The following AEBP2 variants were observed in gnomAD, a reference collection of about 807,000 sequenced individuals.
AEBP2 encodes AE binding protein 2.
A neutral mutation model predicts 50.8 loss-of-function variants in AEBP2; 10 were observed. The ratio of observed to expected loss-of-function variants is 0.20; its 90% CI spans 0.12 to 0.33. AEBP2 has a LOEUF of 0.33. AEBP2 is among the 10% of genes least tolerant of loss of function. The probability of loss-of-function intolerance (pLI) is 1.00; values close to 1 mark genes in which losing one functional copy is unlikely to be tolerated. For synonymous variants in AEBP2, 296 were observed against 261.3 expected, an observed-to-expected ratio of 1.13 and a Z score of -1.28; for missense variants, 570 against 688.0, an observed-to-expected ratio of 0.83 and a Z score of 1.92.
intron 3 of AEBP2, among the ~76,000 whole-genome samples, chr12:19,486,574 G>A (rs1948813404): frequency 6.6e-6 from 1 of 151,872 alleles, no homozygotes; most frequent in South Asian, 2.1e-4. Context: ...GTAGAGAGAG[G>A]GTTTTGCCAC....
intron 1 of AEBP2, among the ~76,000 whole-genome samples, chr12:19,409,594 G>T (rs902157058): frequency 2.0e-5 from 3 of 152,194 alleles, no homozygotes; most frequent in South Asian, 4.1e-4. Context: ...CACCAGCCGT[G>T]GGGGGAAATG....
intron 1 of AEBP2, chr12:19,456,467 A>G (rs1592731131): frequency 2.0e-6 from 3 of 1,466,544 alleles, no homozygotes; most frequent in South Asian, 1.1e-5. Flanking sequence ...AGTTAGGGCC[A>G]TCTTCCAGCT....
At chr12:19,409,630 C>G (rs2095738237) in intron 1 of AEBP2, among the ~76,000 whole-genome samples, 1 of 152,148 alleles carries the variant, frequency 6.6e-6, no homozygotes, top group South Asian at 2.1e-4. Flanking sequence ...TCTTACTTCA[C>G]ATACATTTTT....
chr12:19,515,659 C>T (rs1399806856), intron 7 of AEBP2, among the ~76,000 whole-genome samples: 1 of 152,066 alleles, frequency 6.6e-6, no homozygotes, highest in Non-Finnish European at 1.5e-5. Context: ...TAATTAAGTG[C>T]TTTGAAGGGT....
Position 19,439,656 on chromosome 12 carries a change from G to A in AEBP2, c.-44G>A, listed in dbSNP as rs578004158. On this transcript the variant is annotated 5_prime_UTR_variant, in exon 1 of 8. Transcript: ENST00000266508. Reference sequence around the variant, plus strand: ...GAGGGAGAGAGAGTCGAGAGAGGGAGGCGGCGGTGGGGAGGAGGAGGAGGA... The same window carrying A: ...GAGGGAGAGAGAGTCGAGAGAGGGAAGCGGCGGTGGGGAGGAGGAGGAGGA... 261 of 1,473,912 alleles carry A rather than the reference G, an allele frequency of 1.8e-4. No homozygotes were observed. The African/African-American group carries it at 4.0e-3, about 22-fold the overall frequency. 91.3% of individuals were successfully genotyped at this position (1,473,912 alleles called of 1,614,324 possible). A position where few individuals can be genotyped will look rare whatever the true frequency, so the allele number is the denominator to read the frequency against.
intron 1 of AEBP2, among the ~76,000 whole-genome samples, chr12:19,452,529 TC>T (rs1318149736): frequency 6.6e-6 from 1 of 152,148 alleles, no homozygotes; most frequent in African/African-American, 2.4e-5. Context: ...TTAATGGTTT[TC>T]TTGAAGTACC....
rs1947917110 is a variant in AEBP2 at position 19,439,962 on chromosome 12, A to G, written c.263A>G (p.Glu88Gly). Reference protein sequence around the residue: ...EAETMSEPSPESASQAGEDED... With the variant: ...EAETMSEPSPGSASQAGEDED... The stretch of plus-strand genomic sequence containing the variant: ...GAGACGATGTCGGAGCCGAGCCCCG[A>G]GAGCGCCAGCCAGGCCGGGGAGGAC... The change falls in exon 1 of 8, where the codon GAG becomes GGG. Residue 88 changes from glutamate (E) to glycine (G), a missense_variant. Around this residue, in one of 2 missense-constraint regions of AEBP2, gnomAD observed 386 missense variants for 336.8 expected, o/e 1.15. Transcript: ENST00000266508. The G allele has an allele frequency of 3.9e-6, 6 of 1,519,702 alleles. No homozygotes were observed. The South Asian group carries it at 4.8e-5, about 12-fold the overall frequency. The allele number at this position is 1,519,702 out of a possible 1,614,324, so 94.1% of individuals were successfully genotyped here.
chr12:19,450,567 T>C (rs114235576), intron 1 of AEBP2, among the ~76,000 whole-genome samples: 119 of 142,300 alleles, frequency 8.4e-4, no homozygotes, highest in African/African-American at 2.8e-3. Flanking sequence ...CGGTGACTCA[T>C]GCCTGTAATC....
intron 1 of AEBP2, among the ~76,000 whole-genome samples, chr12:19,459,420 A>G (rs1393518415): frequency 6.6e-6 from 1 of 151,914 alleles, no homozygotes; most frequent in African/African-American, 2.4e-5. Context: ...TTTAATAGAG[A>G]CAGGGTTTCA....
intron 7 of AEBP2, among the ~76,000 whole-genome samples, chr12:19,517,298 C>G (rs889595440): frequency 1.3e-5 from 2 of 152,040 alleles, no homozygotes; most frequent in East Asian, 3.9e-4. Context: ...TATGGCAAAC[C>G]TTCTGCAAAA....
At chr12:19,494,043 A>G in intron 4 of AEBP2, 57 bp downstream of exon 4, 3 of 1,488,228 alleles carry the variant, frequency 2.0e-6, no homozygotes, top group Non-Finnish European at 2.7e-6. Flanking sequence ...GATATCTTAG[A>G]CTTTTATGCA....
chr12:19,468,126 TTG>T lies in AEBP2; in HGVS notation c.880-5092_880-5091del, dbSNP rs10643072. Among the ~76,000 whole-genome samples the T allele has an allele frequency of 1.4e-3, 207 of 144,012 alleles. 1 individual carries two copies. Among genetic ancestry groups the T allele is most frequent in the Middle Eastern group, 3.5e-3 (1 of 284 alleles). The allele number at this position is 144,012 out of a possible 152,430, so 94.5% of individuals were successfully genotyped here. A position where few individuals can be genotyped will look rare whatever the true frequency, so the allele number is the denominator to read the frequency against. On this transcript the variant is annotated intron_variant, in intron 2 of 7. Coordinates refer to ENST00000266508, the MANE Select transcript of AEBP2 (RefSeq NM_153207.5). ...ATCCATCCAACCCCTCTGCCTGACT[TTG>T]TGTGTGTGTGTGTGTGTGTGTGTGT... is the stretch of plus-strand genomic sequence containing the variant.
chr12:19,505,376 A>C (rs1250540862), intron 5 of AEBP2, among the ~76,000 whole-genome samples: 1 of 152,268 alleles, frequency 6.6e-6, no homozygotes, highest in Admixed American at 6.5e-5. Flanking sequence ...ACTGTGAGCC[A>C]GGTACTAATG....
chr12:19,501,793 G>GTTTT (rs1204632203), intron 5 of AEBP2, among the ~76,000 whole-genome samples: 3 of 35,170 alleles, frequency 8.5e-5, no homozygotes, highest in South Asian at 1.1e-3. Context: ...ATAAAAATGA[G>GTTTT]TTTGTTTTTT....
chr12:19,439,699 C>A lies in AEBP2; in HGVS notation c.-1C>A. Reference sequence around the variant, plus strand: ...GAGGAGGAGGAGGAGCAGGCGCCGCCATGGCCGCCGCTATCACCGACATGG... The same window carrying A: ...GAGGAGGAGGAGGAGCAGGCGCCGCAATGGCCGCCGCTATCACCGACATGG... On this transcript the variant is annotated 5_prime_UTR_variant, in exon 1 of 8. Coordinates refer to ENST00000266508, the MANE Select transcript of AEBP2 (RefSeq NM_153207.5). The A allele has an allele frequency of 6.6e-7, 1 of 1,513,696 alleles. No individual in the cohort carries two copies. The allele number at this position is 1,513,696 out of a possible 1,614,324, so 93.8% of individuals were successfully genotyped here. A position where few individuals can be genotyped will look rare whatever the true frequency, so the allele number is the denominator to read the frequency against.
chr12:19,469,109 A>G (rs1229253409), intron 2 of AEBP2, among the ~76,000 whole-genome samples: 1 of 151,930 alleles, frequency 6.6e-6, no homozygotes, highest in African/African-American at 2.4e-5. Context: ...TATTTTTAGT[A>G]GAGGTGGGGT....
chr12:19,520,881 G>C lies in AEBP2; in HGVS notation c.*2764G>C, dbSNP rs747289972. On this transcript the variant is annotated 3_prime_UTR_variant, in exon 8 of 8. Transcript: ENST00000266508. ...GCTGCAAGTGGAAAATTCCACGCCTGACCTCATGTGACTGGTCATAGTCAA... is the reference window on the plus strand; with the variant it reads ...GCTGCAAGTGGAAAATTCCACGCCTCACCTCATGTGACTGGTCATAGTCAA... 2 of 152,152 alleles carry C rather than the reference G, an allele frequency of 1.3e-5. No individual in the cohort carries two copies. Among genetic ancestry groups the C allele is most frequent in the Non-Finnish European group, 2.9e-5 (2 of 68,030 alleles). 9.4% of individuals were successfully genotyped at this position (152,152 alleles called of 1,614,324 possible).
At chr12:19,479,351 C>A (rs980514591) in intron 3 of AEBP2, among the ~76,000 whole-genome samples, 8 of 152,078 alleles carry the variant, frequency 5.3e-5, no homozygotes, top group Non-Finnish European at 1.0e-4. Context: ...TGAAGTCCCC[C>A]ACTATTATTT....
chr12:19,509,060 C>A, intron 5 of AEBP2: 1 of 593,762 alleles, frequency 1.7e-6, no homozygotes, highest in Admixed American at 2.0e-5. Flanking sequence ...CCCAGGCAGA[C>A]ATGGAGGGGT....
Sources: gnomAD v4.1 joint callset for allele counts (sites outside exome capture counted in the v4.1 genomes callset) on GRCh38, gnomAD v4.1.1 for gene constraint, gnomAD v4.1.1 regional missense constraint, MANE v1.5 for transcripts, NCBI Gene and HGNC (gene_info 2026-07-23, HGNC 2026-07-21) for gene names.